Variants in CWC15 observed in about 807,000 individuals in gnomAD.
The protein encoded by CWC15 is spliceosome-associated protein CWC15 homolog.
Under a neutral mutation model 28.4 loss-of-function variants are expected in CWC15, and 12 were observed. That is an observed-to-expected ratio of 0.42 (90% CI 0.27 to 0.69). The LOEUF (loss-of-function observed/expected upper bound fraction) is 0.69. Among genes scored for constraint, CWC15 ranks in the 30% least tolerant of loss-of-function variants. The pLI is 0.23. For missense variants in CWC15, 192 were observed against 271.5 expected (o/e 0.71, Z 2.06); for synonymous variants, 92 against 88.4 (o/e 1.04, Z -0.23).
chr11:94,969,266 G>C (rs1857685889), intron 5 of CWC15, among the ~76,000 whole-genome samples: 1 of 152,086 alleles, frequency 6.6e-6, no homozygotes, highest in Non-Finnish European at 1.5e-5. Context: ...AGGATTACTG[G>C]AACAGCCTCC....
intron 1 of CWC15, among the ~76,000 whole-genome samples, chr11:94,973,047 T>TGTG (rs1555096459): frequency 1.2e-4 from 12 of 103,236 alleles, no homozygotes; most frequent in Admixed American, 1.0e-3. Context: ...GAGGATTTTT[T>TGTG]GGGGGGGGGG....
chr11:94,970,001 C>T lies in CWC15; in HGVS notation c.429G>A (p.Glu143=). The change falls in exon 5 of 7, where the codon GAG becomes GAA. Residue 143 remains glutamate, a synonymous_variant. Coordinates refer to ENST00000279839, the MANE Select transcript of CWC15 (RefSeq NM_016403.4). ...LEKIKKERAE[E]QARKEQEQKA... ...ACTTTGGTTTTACCTTCCTGGCCTG[C>T]TCTTCAGCTCTTTCTTTTTTAATTT... 6.4e-7 allele frequency: 1 copy of T among 1,554,404 alleles called. No homozygotes were observed. Among genetic ancestry groups the T allele is most frequent in the Non-Finnish European group, 8.7e-7 (1 of 1,149,260 alleles).
chr11:94,972,093 T>C lies in CWC15; in HGVS notation c.93A>G (p.Ser31=), dbSNP rs781782885. The change falls in exon 2 of 7, where the codon TCA becomes TCG. Residue 31 remains serine (S), a synonymous_variant. Transcript: ENST00000279839. ...TTGTATGAGAGGGTAGGTCTCTGCT[T>C]GAATACTGCTTTGAAAGTTGGCTCA... ...GDLSQLSKQY[S]SRDLPSHTKI... 3.7e-6 allele frequency: 6 copies of C among 1,613,866 alleles called. No individual in the cohort carries two copies. The highest frequency in any genetic ancestry group is 5.1e-6 in the Non-Finnish European group (6 of 1,179,830).
chr11:94,971,369 T>G lies in CWC15; in HGVS notation c.244+6A>C. 6.3e-7 allele frequency: 1 copy of G among 1,596,428 alleles called. No homozygotes were observed. The highest frequency in any genetic ancestry group is 8.6e-7 in the Non-Finnish European group (1 of 1,166,202). The stretch of plus-strand genomic sequence containing the variant: ...ATGAGACAAATGTCTTGGATAGTGT[T>G]GGTACCTCGGGTTGGACGATCCCTA... On this transcript the variant is annotated splice_donor_region_variant and intron_variant, in intron 3 of 6. Transcript: ENST00000279839.
chr11:94,966,265 A>T (rs1565413029), intron 6 of CWC15, 30 bp downstream of exon 6: 33 of 1,106,414 alleles, frequency 3.0e-5, no homozygotes, highest in Non-Finnish European at 4.4e-5. Context: ...ACACACACAC[A>T]CACTCCATTA....
At chr11:94,973,048 G>GA (rs1413078261) in intron 1 of CWC15, among the ~76,000 whole-genome samples, 6 of 65,056 alleles carry the variant, frequency 9.2e-5, no homozygotes, top group African/African-American at 2.8e-4. Context: ...AGGATTTTTT[G>GA]GGGGGGGGGC....
chr11:94,968,198 T>TA (rs1380589618), intron 5 of CWC15, among the ~76,000 whole-genome samples: 11 of 152,210 alleles, frequency 7.2e-5, no homozygotes, highest in African/African-American at 2.4e-4. Flanking sequence ...TTTTATGTTA[T>TA]AACAGTGGAG....
At position 94,971,380 on chromosome 11, in the gene CWC15, G is replaced by A; in HGVS notation, c.239C>T (p.Thr80Ile). 3 of 1,608,910 alleles carry A rather than the reference G, an allele frequency of 1.9e-6. No individual in the cohort carries two copies. Among genetic ancestry groups the A allele is most frequent in the Non-Finnish European group, 2.5e-6 (3 of 1,176,568 alleles). ...GTCTTGGATAGTGTTGGTACCTCGGGTTGGACGATCCCTATTTTTCTCTCT... is the reference window on the plus strand; with the variant it reads ...GTCTTGGATAGTGTTGGTACCTCGGATTGGACGATCCCTATTTTTCTCTCT... ...AAREKNRDRP[T>I]REHTTSSSVS... Residue 80 changes from threonine to isoleucine, a missense_variant, in exon 3 of 7, where the codon ACC (threonine) becomes ATC (isoleucine). Around this residue, in one of 2 missense-constraint regions of CWC15, gnomAD observed 188 missense variants for 250.3 expected, o/e 0.75. Coordinates refer to ENST00000279839, the MANE Select transcript of CWC15 (RefSeq NM_016403.4).
chr11:94,971,958 T>TA, intron 2 of CWC15, 97 bp downstream of exon 2: 1 of 1,078,724 alleles, frequency 9.3e-7, no homozygotes, highest in Non-Finnish European at 1.3e-6. Flanking sequence ...TGAAAATAGA[T>TA]AAGTGACATA....
Position 94,971,073 on chromosome 11 carries a change from G to A in CWC15, c.245-8C>T, listed in dbSNP as rs1857713352. 7 of 1,608,816 alleles carry A rather than the reference G, an allele frequency of 4.4e-6. No individual in the cohort carries two copies. The highest frequency in any genetic ancestry group is 4.0e-5 in the African/African-American group (3 of 74,854). On this transcript the variant is annotated splice_region_variant and splice_polypyrimidine_tract_variant and intron_variant, in intron 3 of 6. Transcript: ENST00000279839. The stretch of plus-strand genomic sequence containing the variant: ...AAGAGGAGGTTGTATGTTCTGGGGG[G>A]AAACAAAAATCATTTAACTTAGTAA...
At chr11:94,970,125 T>C in intron 4 of CWC15, 29 bp from the exon 5 acceptor site, 2 of 1,219,730 alleles carry the variant, frequency 1.6e-6, no homozygotes, top group Non-Finnish European at 2.3e-6. Context: ...CCCAGAAGAT[T>C]GGAGGGAAAA....
intron 6 of CWC15, 59 bp downstream of exon 6, chr11:94,966,224 TATACACACACAC>T (rs1360362718): frequency 2.4e-4 from 173 of 734,124 alleles, no homozygotes; most frequent in African/African-American, 1.5e-3. Flanking sequence ...CACATACACA[TATACACACACAC>T]ACACACACAC....
chr11:94,963,854 AAT>A (rs1555094804), intron 6 of CWC15, among the ~76,000 whole-genome samples: 1 of 152,222 alleles, frequency 6.6e-6, no homozygotes, highest in African/African-American at 2.4e-5. Context: ...GGACTACCCT[AAT>A]ATTAGTGTAG....
intron 1 of CWC15, among the ~76,000 whole-genome samples, chr11:94,972,480 A>G (rs1278237176): frequency 1.3e-5 from 2 of 152,158 alleles, no homozygotes; most frequent in African/African-American, 4.8e-5. Flanking sequence ...ACCTGGCTTA[A>G]CTTTGTCATC....
At chr11:94,963,648 C>T (rs1371972619) in intron 6 of CWC15, 134 bp from the exon 7 acceptor site, 12 of 599,954 alleles carry the variant, frequency 2.0e-5, no homozygotes, top group Non-Finnish European at 2.8e-5. Flanking sequence ...AGCAATTACA[C>T]TCAAAAGAAT....
chr11:94,972,398 C>T (rs374086148), intron 1 of CWC15, among the ~76,000 whole-genome samples: 3 of 152,104 alleles, frequency 2.0e-5, no homozygotes, highest in Non-Finnish European at 4.4e-5. Context: ...TGCCTTAGTA[C>T]AAAAAATTCT....
At chr11:94,972,591 T>G (rs1555096387) in intron 1 of CWC15, among the ~76,000 whole-genome samples, 5 of 152,162 alleles carry the variant, frequency 3.3e-5, no homozygotes, top group Non-Finnish European at 5.9e-5. Flanking sequence ...TTTTAAAAAT[T>G]TCCAACTCAA....
rs75272814 is a variant in CWC15 at position 94,966,345 on chromosome 11, A to G, written c.510T>C (p.Leu170=). The G allele has an allele frequency of 2.6e-6, 4 of 1,560,098 alleles. No homozygotes were observed. In the South Asian group the frequency reaches 4.7e-5, roughly 18 times the overall value. The change falls in exon 6 of 7, where the codon CTT becomes CTC. Residue 170 remains leucine (L), a synonymous_variant. Coordinates refer to ENST00000279839, the MANE Select transcript of CWC15 (RefSeq NM_016403.4). ...MENILSGNPL[L]NLTGPSQPQA... is the part of the protein sequence containing the mutation. ...GAGGCTGGGATGGGCCAGTGAGATT[A>G]AGGAGAGGGTTTCCGCTCAGAATGT...
chr11:94,973,383 T>G (rs1166328084), intron 1 of CWC15, 115 bp downstream of exon 1: 1 of 152,844 alleles, frequency 6.5e-6, no homozygotes, highest in Non-Finnish European at 1.5e-5. Context: ...CCTAGCCCGC[T>G]GCTCCAGGGC....
Sources: gnomAD v4.1 joint callset for allele counts (sites outside exome capture counted in the v4.1 genomes callset) on GRCh38, gnomAD v4.1.1 for gene constraint, gnomAD v4.1.1 regional missense constraint, MANE v1.5 for transcripts, NCBI Gene and HGNC (gene_info 2026-07-23, HGNC 2026-07-21) for gene names.